Variants in FAM78B observed in about 807,000 individuals in gnomAD.
FAM78B encodes the protein family with sequence similarity 78 member B, also known as protein FAM78B.
A neutral mutation model predicts 20.0 loss-of-function variants in FAM78B; 10 were observed. The ratio of observed to expected loss-of-function variants is 0.50; its 90% confidence interval spans 0.31 to 0.85. The LOEUF (loss-of-function observed/expected upper bound fraction) is 0.85, where lower values mean the gene tolerates loss of function less well. Ranked by LOEUF, FAM78B falls within the 40% of genes least tolerant of loss-of-function variation. The pLI is 0.05. For synonymous variants in FAM78B, 135 were observed against 132.8 expected (o/e 1.02, Z -0.12); for missense variants, 283 against 345.0 (o/e 0.82, Z 1.42).
intron 1 of FAM78B, among the ~76,000 whole-genome samples, chr1:166,145,874 T>C (rs1212630068): frequency 6.6e-6 from 1 of 152,236 alleles, no homozygotes; most frequent in Non-Finnish European, 1.5e-5. Context: ...GTCTTTTGTC[T>C]CCTCCTTCTG....
chr1:166,131,284 AGT>A (rs1257386184), intron 1 of FAM78B, among the ~76,000 whole-genome samples: 1 of 152,074 alleles, frequency 6.6e-6, no homozygotes, highest in East Asian at 1.9e-4. Context: ...GAGCCACAAG[AGT>A]GAGCCACAGT....
chr1:166,105,762 T>C (rs1246442615), intron 1 of FAM78B, among the ~76,000 whole-genome samples: 2 of 151,950 alleles, frequency 1.3e-5, no homozygotes, highest in African/African-American at 4.8e-5. Context: ...TTGGTGGGAC[T>C]GTAAACTAGT....
intron 1 of FAM78B, among the ~76,000 whole-genome samples, chr1:166,148,428 G>C (rs1655546239): frequency 6.6e-6 from 1 of 152,220 alleles, no homozygotes; most frequent in African/African-American, 2.4e-5. Context: ...GTTATATTCT[G>C]ATTCTGGCAC....
chr1:166,151,843 G>A (rs1655684983), intron 1 of FAM78B, among the ~76,000 whole-genome samples: 1 of 152,276 alleles, frequency 6.6e-6, no homozygotes, highest in Admixed American at 6.5e-5. Context: ...GTAGACAAAT[G>A]CTACCTCTCC....
At chr1:166,143,921 G>A (rs1228127285) in intron 1 of FAM78B, among the ~76,000 whole-genome samples, 1 of 152,184 alleles carries the variant, frequency 6.6e-6, no homozygotes, top group Non-Finnish European at 1.5e-5. Flanking sequence ...TTGGGGGCAG[G>A]ATGGGGAGGG....
intron 1 of FAM78B, among the ~76,000 whole-genome samples, chr1:166,091,942 G>A (rs527935070): frequency 8.6e-5 from 13 of 151,844 alleles, no homozygotes; most frequent in East Asian, 1.9e-4. Context: ...ATTCTGTTAC[G>A]TTTTCTACCA....
intron 1 of FAM78B, among the ~76,000 whole-genome samples, chr1:166,086,534 G>A (rs972638155): frequency 6.6e-6 from 1 of 152,224 alleles, no homozygotes; most frequent in Non-Finnish European, 1.5e-5. Flanking sequence ...CAGGAAAACA[G>A]AAGGGGAGAG....
chr1:166,133,988 C>G (rs971192708), intron 1 of FAM78B, among the ~76,000 whole-genome samples: 31 of 152,318 alleles, frequency 2.0e-4, no homozygotes, highest in African/African-American at 6.7e-4. Flanking sequence ...GACTGAGAGT[C>G]AGTGAGTGAC....
intron 1 of FAM78B, among the ~76,000 whole-genome samples, chr1:166,075,064 G>A (rs1436924936): frequency 1.3e-5 from 2 of 152,200 alleles, no homozygotes; most frequent in African/African-American, 4.8e-5. Flanking sequence ...CTGCTGGCGG[G>A]GCAGGGTAGT....
At position 166,166,291 on chromosome 1, in the gene FAM78B, G is replaced by A. The variant is rs953821543; in HGVS notation, c.-43C>T. On this transcript the variant is annotated 5_prime_UTR_variant, in exon 1 of 2. Coordinates refer to ENST00000354422, the MANE Select transcript of FAM78B (RefSeq NM_001017961.5). Reference sequence around the variant, plus strand: ...GCACGGCGCGGCGTGGGGCAGCGCGGGGGCCCGCGCGGGCAGCCGGGGGCG... The same window carrying A: ...GCACGGCGCGGCGTGGGGCAGCGCGAGGGCCCGCGCGGGCAGCCGGGGGCG... 5 of 1,206,264 alleles carry A rather than the reference G, an allele frequency of 4.1e-6. No individual in the cohort carries two copies. In the African/African-American group the frequency reaches 4.8e-5, roughly 11 times the overall value. 74.7% of individuals were successfully genotyped at this position (1,206,264 alleles called of 1,614,324 possible). A position where few individuals can be genotyped will look rare whatever the true frequency, so the allele number is the denominator to read the frequency against.
exon 3 of FAM78B, chr1:166,060,293 C>T: frequency 3.7e-6 from 1 of 272,504 alleles, no homozygotes; most frequent in Non-Finnish European, 7.3e-6. Flanking sequence ...CCAGGCTGAC[C>T]AGCTCTTCAT....
chr1:166,065,903 T>G (rs76288376), downstream of FAM78B, among the ~76,000 whole-genome samples: 3,033 of 152,342 alleles, frequency 0.02, 41 homozygotes, highest in Non-Finnish European at 0.035. Flanking sequence ...TCTTTTCAGT[T>G]TGAAGAGTAT....
chr1:166,135,207 T>C (rs1655024781), intron 1 of FAM78B, among the ~76,000 whole-genome samples: 1 of 152,210 alleles, frequency 6.6e-6, no homozygotes, highest in African/African-American at 2.4e-5. Flanking sequence ...ACACGGCTTA[T>C]AACTGCCTCA....
chr1:166,088,189 C>A (rs934568914), intron 1 of FAM78B, among the ~76,000 whole-genome samples: 1 of 152,180 alleles, frequency 6.6e-6, no homozygotes, highest in African/African-American at 2.4e-5. Flanking sequence ...AGCAGGGGAA[C>A]AGCTATGCAA....
intron 1 of FAM78B, among the ~76,000 whole-genome samples, chr1:166,127,613 T>G (rs928880301): frequency 1.3e-5 from 2 of 152,234 alleles, no homozygotes; most frequent in Non-Finnish European, 2.9e-5. Context: ...TTGATAATAG[T>G]ACTAGTAGAA....
At chr1:166,126,067 C>T (rs2101773466) in intron 1 of FAM78B, among the ~76,000 whole-genome samples, 1 of 152,206 alleles carries the variant, frequency 6.6e-6, no homozygotes, top group East Asian at 1.9e-4. Flanking sequence ...ATCTCTTGGC[C>T]TGGTGATCTG....
At chr1:166,114,796 T>C (rs577392566) in intron 1 of FAM78B, among the ~76,000 whole-genome samples, 1 of 152,280 alleles carries the variant, frequency 6.6e-6, no homozygotes, top group South Asian at 2.1e-4. Flanking sequence ...TAGCATATTT[T>C]TTTGTTGTTG....
intron 1 of FAM78B, among the ~76,000 whole-genome samples, chr1:166,071,504 T>C (rs1652030873): frequency 6.6e-6 from 1 of 152,224 alleles, no homozygotes. Flanking sequence ...TCCTCCTGGC[T>C]GTCTCTGACC....
chr1:166,100,323 T>C (rs968330082), intron 1 of FAM78B, among the ~76,000 whole-genome samples: 3 of 152,146 alleles, frequency 2.0e-5, no homozygotes, highest in African/African-American at 7.2e-5. Flanking sequence ...TTCATCTCAT[T>C]GGGGATTGTC....
Sources: allele counts gnomAD v4.1 joint callset (sites outside exome capture counted in the v4.1 genomes callset), GRCh38; gene constraint gnomAD v4.1.1; transcripts MANE v1.5; gene names NCBI Gene and HGNC (gene_info 2026-07-23, HGNC 2026-07-21).